The following NFE2L3 variants were observed in gnomAD, a reference collection of about 807,000 sequenced individuals.
NFE2L3 encodes the protein nuclear factor erythroid 2-related factor 3.
In NFE2L3, 18 loss-of-function variants were observed where a neutral mutation model predicts 23.5. The observed-to-expected ratio is 0.77, with a 90% CI of 0.53 to 1.13. The LOEUF is 1.13. Ranked by LOEUF, NFE2L3 falls within the 50% of genes most tolerant of loss-of-function variation. The probability of loss-of-function intolerance (pLI) is 0.00; values close to 1 mark genes in which losing one functional copy is unlikely to be tolerated. For missense variants in NFE2L3, 1,152 were observed against 877.2 expected (o/e 1.31, Z -3.96); for synonymous variants, 424 against 354.5 (o/e 1.20, Z -2.20).
At chr7:26,173,956 T>C (rs1375398863) in intron 1 of NFE2L3, 1 of 152,216 alleles carries the variant, frequency 6.6e-6, no homozygotes, top group Non-Finnish European at 1.5e-5. Flanking sequence ...GATTTTGATG[T>C]AGTTTTTTAT....
At chr7:26,167,154 C>T (rs1746163689) in intron 1 of NFE2L3, among the ~76,000 whole-genome samples, 1 of 152,186 alleles carries the variant, frequency 6.6e-6, no homozygotes, top group Non-Finnish European at 1.5e-5. Context: ...GCGCAAGACT[C>T]TTCTGCTCTG....
intron 2 of NFE2L3, among the ~76,000 whole-genome samples, chr7:26,181,962 C>T (rs2128100114): frequency 6.6e-6 from 1 of 151,828 alleles, no homozygotes; most frequent in East Asian, 1.9e-4. Flanking sequence ...AAAATTGAGA[C>T]AATGATAGAA....
chr7:26,152,360 C>G lies in NFE2L3; in HGVS notation c.-139C>G. On this transcript the variant is annotated 5_prime_UTR_variant, in exon 1 of 4. Coordinates refer to ENST00000056233, the MANE Select transcript of NFE2L3 (RefSeq NM_004289.7). This position sits in a 1 kb window ranked among gnomAD's most constrained non-coding sequence, Gnocchi z 4.4. Reference sequence around the variant, plus strand: ...TGCTGGGAACCCGCGACGGCCGCCACGCGCCCCGGTCCATTGTTTCGCTTA... The same window carrying G: ...TGCTGGGAACCCGCGACGGCCGCCAGGCGCCCCGGTCCATTGTTTCGCTTA... 1 of 521,898 alleles carries G rather than the reference C, an allele frequency of 1.9e-6. No homozygotes were observed. Among genetic ancestry groups the G allele is most frequent in the Non-Finnish European group, 2.7e-6 (1 of 366,206 alleles). The allele number at this position is 521,898 out of a possible 1,614,324, so 32.3% of individuals were successfully genotyped here.
rs1353566865 is a variant in NFE2L3, at chr7:26,176,341, G to A, written c.571-1602G>A. The stretch of plus-strand genomic sequence containing the variant: ...TTTTCTTTTTGACAAAACCGCCATC[G>A]TCATCATGGCCCATTCTCGATGGTC... On this transcript the variant is annotated intron_variant, in intron 1 of 3. Transcript: ENST00000056233. Among the ~76,000 whole-genome samples, 13 of 152,184 alleles carry A rather than the reference G, an allele frequency of 8.5e-5. No individual in the cohort carries two copies. The East Asian group carries it at 1.7e-3, about 20-fold the overall frequency.
intron 1 of NFE2L3, among the ~76,000 whole-genome samples, chr7:26,167,033 G>A (rs577574986): frequency 2.6e-5 from 4 of 152,258 alleles, no homozygotes; most frequent in South Asian, 2.1e-4. Flanking sequence ...CAGCATAAGC[G>A]GCACACTTGC....
chr7:26,185,525 T>G lies in NFE2L3; in HGVS notation c.1827T>G (p.Asp609Glu). 2.5e-6 allele frequency: 4 copies of G among 1,613,550 alleles called. No individual in the cohort carries two copies. Among genetic ancestry groups the G allele is most frequent in the Non-Finnish European group, 3.4e-6 (4 of 1,179,534 alleles). Residue 609 changes from aspartate (D) to glutamate (E), a missense_variant, in exon 4 of 4, where the codon GAT (aspartate) becomes GAG (glutamate). Physicochemically the swap from Asp to Glu is conservative, Grantham distance 45. Transcript: ENST00000056233. ...ACATAATTTTGAATTTAGAAGATGA[T>G]GTATGTAACTTGCAAGCAAAGAAGG... is the stretch of plus-strand genomic sequence containing the variant. ...KLDIILNLED[D>E]VCNLQAKKET...
chr7:26,175,353 C>T (rs924652014), intron 1 of NFE2L3, among the ~76,000 whole-genome samples: 62 of 151,836 alleles, frequency 4.1e-4, no homozygotes, highest in Admixed American at 2.7e-3. Flanking sequence ...GAGTGAGACT[C>T]AAAAAAATAA....
chr7:26,180,601 T>C (rs531150077), intron 2 of NFE2L3, among the ~76,000 whole-genome samples: 27 of 152,220 alleles, frequency 1.8e-4, no homozygotes, highest in Non-Finnish European at 3.5e-4. Context: ...ATGTTTTCAC[T>C]AGTCTTTCAC....
rs1454870616 is a variant in NFE2L3, at chr7:26,177,076, G to A, written c.571-867G>A. Among the ~76,000 whole-genome samples, 110 of 77,408 alleles carry A rather than the reference G, an allele frequency of 1.4e-3. 1 individual carries two copies. The highest frequency in any genetic ancestry group is 2.2e-3 in the Non-Finnish European group (89 of 39,762). 50.8% of individuals were successfully genotyped at this position (77,408 alleles called of 152,430 possible). A position where few individuals can be genotyped will look rare whatever the true frequency, so the allele number is the denominator to read the frequency against. On this transcript the variant is annotated intron_variant, in intron 1 of 3. Transcript: ENST00000056233. Reference sequence around the variant, plus strand: ...CAGAGATGCTCCTCACTTCCTAGACGGGGTGGCAGCCGGGCAGAGGCGCTC... The same window carrying A: ...CAGAGATGCTCCTCACTTCCTAGACAGGGTGGCAGCCGGGCAGAGGCGCTC...
chr7:26,184,857 AATATATTTG>A lies in NFE2L3; in HGVS notation c.1162_1170del (p.Ile388_Asp390del). 1 of 1,613,950 alleles carries A rather than the reference AATATATTTG, an allele frequency of 6.2e-7. No homozygotes were observed. The highest frequency in any genetic ancestry group is 1.1e-5 in the South Asian group (1 of 91,074). Reference sequence around the variant, plus strand: ...AGACCTACTGTATGACCTTGACATAAATATATTTGATGAGATAAACTTAATGTCATTGGC... The same window carrying A: ...AGACCTACTGTATGACCTTGACATAAATGAGATAAACTTAATGTCATTGGC... On this transcript the variant is annotated inframe_deletion, in exon 4 of 4. Coordinates refer to ENST00000056233, the MANE Select transcript of NFE2L3 (RefSeq NM_004289.7).
chr7:26,182,830 TTCTGTTAG>T lies in NFE2L3; in HGVS notation c.751-870_751-863del, dbSNP rs1267483493. 5.9e-5 allele frequency among the ~76,000 whole-genome samples: 9 copies of T among 152,274 alleles called. 1 individual carries two copies. The highest frequency in any genetic ancestry group is 2.2e-4 in the African/African-American group (9 of 41,558). On this transcript the variant is annotated intron_variant, in intron 2 of 3. Coordinates refer to ENST00000056233, the MANE Select transcript of NFE2L3 (RefSeq NM_004289.7). ...AAATATTTTTTGAGACGAGATCTCA[TTCTGTTAG>T]GCTGGAGTGTGGCAGCGCTGTCACG...
chr7:26,172,596 C>T (rs1784342244), intron 1 of NFE2L3, among the ~76,000 whole-genome samples: 1 of 152,146 alleles, frequency 6.6e-6, no homozygotes, highest in Admixed American at 6.5e-5. Flanking sequence ...TGGAAACACT[C>T]CTCTCTCAGT....
At chr7:26,181,212 A>G (rs1455708216) in intron 2 of NFE2L3, among the ~76,000 whole-genome samples, 1 of 152,146 alleles carries the variant, frequency 6.6e-6, no homozygotes, top group Non-Finnish European at 1.5e-5. Context: ...CCTGGGCTCA[A>G]GCAATCTGCC....
rs202040601 is a variant in NFE2L3 at position 26,177,984 on chromosome 7, T to C, written c.612T>C (p.His204=). The C allele has an allele frequency of 3.1e-6, 5 of 1,613,968 alleles. No individual in the cohort carries two copies. Among genetic ancestry groups the C allele is most frequent in the Non-Finnish European group, 3.4e-6 (4 of 1,179,986 alleles). ...VLREKHEAVD[H]SSQHEENEER... Reference sequence around the variant, plus strand: ...GAGAAAAGCACGAAGCTGTGGATCATAGTTCCCAGCATGAGGAAAATGAAG... The same window carrying C: ...GAGAAAAGCACGAAGCTGTGGATCACAGTTCCCAGCATGAGGAAAATGAAG... The change falls in exon 2 of 4, where the codon CAT becomes CAC. Residue 204 remains histidine (H), a synonymous_variant. Coordinates refer to ENST00000056233, the MANE Select transcript of NFE2L3 (RefSeq NM_004289.7).
intron 1 of NFE2L3, among the ~76,000 whole-genome samples, chr7:26,158,716 C>G (rs1346862603): frequency 2.0e-5 from 3 of 152,188 alleles, no homozygotes; most frequent in Non-Finnish European, 1.5e-5. Context: ...TCTCAACCCA[C>G]ACAGTGGGAA....
At chr7:26,165,190 T>G (rs992668865) in intron 1 of NFE2L3, among the ~76,000 whole-genome samples, 2 of 152,226 alleles carry the variant, frequency 1.3e-5, no homozygotes, top group Admixed American at 1.3e-4. Flanking sequence ...GTGAAGACAG[T>G]CATTGGTAGC....
At chr7:26,160,922 A>C (rs771739959) in intron 1 of NFE2L3, among the ~76,000 whole-genome samples, 3 of 152,220 alleles carry the variant, frequency 2.0e-5, no homozygotes, top group Non-Finnish European at 4.4e-5. Flanking sequence ...TTTCTTGAAG[A>C]GTTCTTGTGA....
intron 2 of NFE2L3, among the ~76,000 whole-genome samples, chr7:26,182,812 TTTTG>T (rs1782354260): frequency 6.6e-6 from 1 of 152,018 alleles, no homozygotes; most frequent in Non-Finnish European, 1.5e-5. Flanking sequence ...TAAAAATATT[TTTTG>T]AGACGAGATC....
chr7:26,159,996 C>T (rs986934403), intron 1 of NFE2L3, among the ~76,000 whole-genome samples: 4 of 149,800 alleles, frequency 2.7e-5, no homozygotes, highest in East Asian at 1.9e-4. Flanking sequence ...CTGTGTCACC[C>T]AGGCTGGAGT....
Sources: allele counts gnomAD v4.1 joint callset (sites outside exome capture counted in the v4.1 genomes callset), GRCh38; gene constraint gnomAD v4.1.1; non-coding constraint Gnocchi (gnomAD v3.1); transcripts MANE v1.5; gene names NCBI Gene and HGNC (gene_info 2026-07-23, HGNC 2026-07-21).